EPX: variants seen among roughly 807,000 people sequenced by gnomAD.
EPX encodes eosinophil peroxidase.
In EPX, 60 loss-of-function variants were observed where a neutral mutation model predicts 73.0. The ratio of observed to expected loss-of-function variants is 0.82; its 90% confidence interval spans 0.67 to 1.02. EPX has a LOEUF of 1.02. EPX is among the 50% of genes least tolerant of loss of function. EPX has a pLI of 0.00. For synonymous variants in EPX, 347 were observed against 389.2 expected, an observed-to-expected ratio of 0.89 and a Z score of 1.28; for missense variants, 950 against 973.9, an observed-to-expected ratio of 0.98 and a Z score of 0.33.
Position 58,200,360 on chromosome 17 carries a change from TCAA to T in EPX, c.1676_1678del (p.Asn559del), listed in dbSNP as rs1968323554. The stretch of plus-strand genomic sequence containing the variant: ...AGGATTGGGCTGGACCTGGCAGCTC[TCAA>T]CATGCAACGAAGCCGGGACCACGGC... On this transcript the variant is annotated inframe_deletion, in exon 10 of 13. Coordinates refer to ENST00000225371, the MANE Select transcript of EPX (RefSeq NM_000502.6). The T allele has an allele frequency of 3.1e-6, 5 of 1,614,202 alleles. No homozygotes were observed. The East Asian group carries it at 1.1e-4, about 36-fold the overall frequency.
intron 10 of EPX, among the ~76,000 whole-genome samples, chr17:58,200,797 GGA>G (rs1968330197): frequency 6.6e-6 from 1 of 152,232 alleles, no homozygotes; most frequent in South Asian, 2.1e-4. Flanking sequence ...TGCTCTAAGT[GGA>G]GAAAGGCAAA....
chr17:58,193,609 G>A, intron 3 of EPX, 63 bp downstream of exon 3: 1 of 1,583,376 alleles, frequency 6.3e-7, no homozygotes, highest in Non-Finnish European at 8.7e-7. Flanking sequence ...GAATCCAGGA[G>A]AGGGAGGCAG....
chr17:58,200,461 A>G, intron 10 of EPX, 66 bp downstream of exon 10: 4 of 1,498,922 alleles, frequency 2.7e-6, no homozygotes, highest in Non-Finnish European at 3.7e-6. Flanking sequence ...GGTTCTGGGA[A>G]GACCCTGGTA....
At chr17:58,203,036 G>A in intron 10 of EPX, 45 bp from the exon 11 acceptor site, 1 of 1,412,062 alleles carries the variant, frequency 7.1e-7, no homozygotes, top group Non-Finnish European at 1.0e-6. Context: ...AGAAGCTAAT[G>A]GGAGATCAGC....
Position 58,197,009 on chromosome 17 carries a change from G to A in EPX, c.872G>A (p.Cys291Tyr), listed in dbSNP as rs576148869. 2 of 1,613,996 alleles carry A rather than the reference G, an allele frequency of 1.2e-6. No individual in the cohort carries two copies. Among genetic ancestry groups the A allele is most frequent in the East Asian group, 2.2e-5 (1 of 44,884 alleles). The change falls in exon 7 of 13, where the codon TGC becomes TAC. Residue 291 changes from cysteine to tyrosine, a missense_variant. Cys to Tyr is a radical substitution (Grantham distance 194). Transcript: ENST00000225371. ...CCTTTCTTCCGCTCGGCACCCTCATGCCCCCAAAACAAGAACAGAGTCCGC... is the reference window on the plus strand; with the variant it reads ...CCTTTCTTCCGCTCGGCACCCTCATACCCCCAAAACAAGAACAGAGTCCGC... ...CIPFFRSAPSCPQNKNRVRNQ... is the reference protein window; with the variant it reads ...CIPFFRSAPSYPQNKNRVRNQ...
At position 58,197,123 on chromosome 17, in the gene EPX, C is replaced by A; in HGVS notation, c.986C>A (p.Thr329Asn). 1.9e-6 allele frequency: 3 copies of A among 1,614,218 alleles called. No homozygotes were observed. Among genetic ancestry groups the A allele is most frequent in the Non-Finnish European group, 2.5e-6 (3 of 1,180,042 alleles). The change falls in exon 7 of 13, where the codon ACC (threonine) becomes AAC (asparagine). Residue 329 changes from threonine to asparagine, a missense_variant. Transcript: ENST00000225371. ...CTCTCGCTGCGGCTCCGCAACCGGA[C>A]CAACTACCTGGGGCTGCTGGCCATC... ...VSLSLRLRNR[T>N]NYLGLLAINQ...
Position 58,199,165 on chromosome 17 carries a change from A to G in EPX, c.1246A>G (p.Asn416Asp), listed in dbSNP as rs1968303423. The G allele has an allele frequency of 2.5e-6, 4 of 1,614,088 alleles. No homozygotes were observed. The East Asian group carries it at 8.9e-5, about 36-fold the overall frequency. The change falls in exon 8 of 13, where the codon AAT becomes GAT. Residue 416 changes from asparagine (N) to aspartate (D), a missense_variant. Coordinates refer to ENST00000225371, the MANE Select transcript of EPX (RefSeq NM_000502.6). ...NPRWNGDKLY[N>D]EARKIMGAMV... Reference sequence around the variant, plus strand: ...CCGGTGGAATGGAGACAAACTGTACAATGAGGCTCGGAAGATCATGGGGGC... The same window carrying G: ...CCGGTGGAATGGAGACAAACTGTACGATGAGGCTCGGAAGATCATGGGGGC...
In EPX at chr17:58,199,654, T is replaced by A. The variant is rs1275411485; in HGVS notation, c.1397T>A (p.Phe466Tyr). The A allele has an allele frequency of 1.2e-6, 2 of 1,614,222 alleles. No individual in the cohort carries two copies. The highest frequency in any genetic ancestry group is 2.2e-5 in the South Asian group (2 of 91,086). The change falls in exon 9 of 13, where the codon TTC becomes TAC. Residue 466 changes from phenylalanine (F) to tyrosine (Y), a missense_variant. By Grantham distance (22) the Phe-to-Tyr change is conservative (BLOSUM62 3). Coordinates refer to ENST00000225371, the MANE Select transcript of EPX (RefSeq NM_000502.6). ...GTGGACCCACGGGTGGCCAATGTCTTCACCCTGGCCTTCCGCTTTGGCCAC... is the reference window on the plus strand; with the variant it reads ...GTGGACCCACGGGTGGCCAATGTCTACACCCTGGCCTTCCGCTTTGGCCAC... ...SNVDPRVANV[F>Y]TLAFRFGHTM...
At chr17:58,199,335 G>T (rs1030930773) in intron 8 of EPX, 135 bp downstream of exon 8, 23 of 1,142,496 alleles carry the variant, frequency 2.0e-5, no homozygotes, top group Non-Finnish European at 2.8e-5. Flanking sequence ...CTGTCCTCTG[G>T]CCCCGATTCT....
chr17:58,199,928 C>G (rs1342929645), intron 9 of EPX, 134 bp downstream of exon 9: 12 of 1,013,692 alleles, frequency 1.2e-5, no homozygotes, highest in Non-Finnish European at 1.7e-5. Flanking sequence ...ACAGTGGAAA[C>G]AAGGCAGGTG....
At chr17:58,194,294 G>A (rs1431968857) in intron 5 of EPX, among the ~76,000 whole-genome samples, 1 of 152,198 alleles carries the variant, frequency 6.6e-6, no homozygotes, top group Non-Finnish European at 1.5e-5. Flanking sequence ...TAGAGCCTGT[G>A]TGGATATTGA....
chr17:58,202,386 C>T (rs909800143), intron 10 of EPX: 4 of 152,306 alleles, frequency 2.6e-5, no homozygotes, highest in African/African-American at 9.7e-5. Context: ...TTTTTAAAAA[C>T]TTCTTTATTG....
At chr17:58,194,475 T>A (rs1968226372) in intron 5 of EPX, among the ~76,000 whole-genome samples, 1 of 152,186 alleles carries the variant, frequency 6.6e-6, no homozygotes, top group Non-Finnish European at 1.5e-5. Flanking sequence ...AACTCATCAG[T>A]TTTCTATTGA....
At chr17:58,204,520 C>G in intron 12 of EPX, 86 bp downstream of exon 12, 1 of 800,396 alleles carries the variant, frequency 1.2e-6, no homozygotes, top group Non-Finnish European at 2.1e-6. Flanking sequence ...TCTTAGGTCT[C>G]TAAGCAGAGA....
chr17:58,195,662 A>G (rs1968245208), intron 6 of EPX, among the ~76,000 whole-genome samples: 1 of 152,016 alleles, frequency 6.6e-6, no homozygotes, highest in Non-Finnish European at 1.5e-5. Context: ...CTCTGCTAGG[A>G]ACATAGGGTT....
In EPX at chr17:58,194,043, C is replaced by T; in HGVS notation, c.545C>T (p.Pro182Leu). 6.2e-7 allele frequency: 1 copy of T among 1,613,504 alleles called. No homozygotes were observed. The highest frequency in any genetic ancestry group is 8.5e-7 in the Non-Finnish European group (1 of 1,179,998). ...GAGTATGAGGATGGGCTGTCGCTCCCCTTCGGCTGGACCCCCAGCAGGAGG... is the reference window on the plus strand; with the variant it reads ...GAGTATGAGGATGGGCTGTCGCTCCTCTTCGGCTGGACCCCCAGCAGGAGG... ...PAEYEDGLSL[P>L]FGWTPSRRRN... Residue 182 changes from proline (P) to leucine (L), a missense_variant, in exon 5 of 13, where the codon CCC becomes CTC. Pro to Leu is a moderately conservative substitution (Grantham distance 98). Transcript: ENST00000225371.
intron 7 of EPX, 127 bp from the exon 8 acceptor site, chr17:58,198,913 T>C (rs906800881): frequency 5.3e-6 from 5 of 935,750 alleles, no homozygotes; most frequent in South Asian, 1.3e-5. Flanking sequence ...GCTGAAGAGA[T>C]GGAGGTCCAG....
In EPX at chr17:58,193,844, C is replaced by A; in HGVS notation, c.464+13C>A. 1 of 1,601,238 alleles carries A rather than the reference C, an allele frequency of 6.2e-7. No homozygotes were observed. The highest frequency in any genetic ancestry group is 8.6e-7 in the Non-Finnish European group (1 of 1,168,608). ...GGTGCAACAACAAGTGCGTGCGGGGCGGCAGGAGGGGCTGCCCCTGCCTGG... is the reference window on the plus strand; with the variant it reads ...GGTGCAACAACAAGTGCGTGCGGGGAGGCAGGAGGGGCTGCCCCTGCCTGG... On this transcript the variant is annotated intron_variant, in intron 4 of 12. Coordinates refer to ENST00000225371, the MANE Select transcript of EPX (RefSeq NM_000502.6).
Position 58,197,610 on chromosome 17 carries a change from A to T in EPX, c.1120+353A>T, listed in dbSNP as rs537575725. Among the ~76,000 whole-genome samples, 157 of 152,258 alleles carry T rather than the reference A, an allele frequency of 1.0e-3. 1 individual carries two copies. The highest frequency in any genetic ancestry group is 3.7e-3 in the African/African-American group (154 of 41,522). On this transcript the variant is annotated intron_variant, in intron 7 of 12. Coordinates refer to ENST00000225371, the MANE Select transcript of EPX (RefSeq NM_000502.6). ...ATGCTTCTGGAACCTCAGAAAAGACACTGTCCCTCTTACACGCAGGAATAC... is the reference window on the plus strand; with the variant it reads ...ATGCTTCTGGAACCTCAGAAAAGACTCTGTCCCTCTTACACGCAGGAATAC...
Sources: gnomAD v4.1 joint callset for allele counts (sites outside exome capture counted in the v4.1 genomes callset) on GRCh38, gnomAD v4.1.1 for gene constraint, MANE v1.5 for transcripts, NCBI Gene and HGNC (gene_info 2026-07-23, HGNC 2026-07-21) for gene names.